GPR141: variants seen among roughly 807,000 people sequenced by gnomAD.
The protein encoded by GPR141 is G protein-coupled receptor 141.
A neutral mutation model predicts 6.8 loss-of-function variants in GPR141; 6 were observed. The ratio of observed to expected loss-of-function variants is 0.88; its 90% CI spans 0.48 to 1.74. GPR141 has a LOEUF of 1.74. Ranked by LOEUF, GPR141 falls within the 40% of genes most tolerant of loss-of-function variation. GPR141 has a pLI of 0.01. For missense variants in GPR141, 372 were observed against 372.9 expected (o/e 1.00, Z 0.02); for synonymous variants, 140 against 142.3 (o/e 0.98, Z 0.11).
rs190677168 is a variant in GPR141 at position 37,741,195 on chromosome 7, A to G, written c.802A>G (p.Ile268Val). 8 of 1,613,838 alleles carry G rather than the reference A, an allele frequency of 5.0e-6. No homozygotes were observed. In the East Asian group the frequency reaches 1.3e-4, roughly 27 times the overall value. The change falls in exon 3 of 3, where the codon ATC becomes GTC. Residue 268 changes from isoleucine (I) to valine (V), a missense_variant. Physicochemically the swap from Ile to Val is conservative, Grantham distance 29. Coordinates refer to ENST00000334425, the MANE Select transcript of GPR141 (RefSeq NM_001381946.1). ...CNSKVAFYNE[I>V]FLSVTAISCY... ...CAGCAAGGTTGCATTTTATAACGAAATCTTCTTGAGTGTAACAGCAATTAG... is the reference window on the plus strand; with the variant it reads ...CAGCAAGGTTGCATTTTATAACGAAGTCTTCTTGAGTGTAACAGCAATTAG...
chr7:37,725,106 C>T (rs1353148944), intron 2 of GPR141, among the ~76,000 whole-genome samples: 1 of 152,100 alleles, frequency 6.6e-6, no homozygotes, highest in Non-Finnish European at 1.5e-5. Flanking sequence ...GATTCCTGGT[C>T]CAAGGGTTCC....
At position 37,740,839 on chromosome 7, in the gene GPR141, C is replaced by T. The variant is rs1407002835; in HGVS notation, c.446C>T (p.Pro149Leu). 1.2e-6 allele frequency: 2 copies of T among 1,613,968 alleles called. No individual in the cohort carries two copies. The highest frequency in any genetic ancestry group is 1.3e-5 in the African/African-American group (1 of 74,912). The change falls in exon 3 of 3, where the codon CCC (proline) becomes CTC (leucine). Residue 149 changes from proline (P) to leucine (L), a missense_variant. Physicochemically the swap from Pro to Leu is moderately conservative, Grantham distance 98 (BLOSUM62 -3). Transcript: ENST00000334425. ...MWTLVIVIVV[P>L]LVVSRYGIHE... is the part of the protein sequence containing the mutation. ...ACGCTGGTGATTGTCATTGTGGTAC[C>T]CCTGGTTGTCTCCCGGTATGGAATC...
intron 2 of GPR141, among the ~76,000 whole-genome samples, chr7:37,713,885 G>C (rs886572868): frequency 6.6e-6 from 1 of 152,170 alleles, no homozygotes; most frequent in African/African-American, 2.4e-5. Context: ...CAATACTGCA[G>C]TATTGATTGA....
At chr7:37,712,547 C>T (rs1810852917) in intron 2 of GPR141, among the ~76,000 whole-genome samples, 2 of 152,120 alleles carry the variant, frequency 1.3e-5, no homozygotes, top group Non-Finnish European at 2.9e-5. Context: ...CCAGGTAATA[C>T]CTCAGGTCAA....
intron 2 of GPR141, chr7:37,729,905 C>G (rs1358701596): frequency 6.6e-6 from 1 of 152,202 alleles, no homozygotes; most frequent in Non-Finnish European, 1.5e-5. Context: ...CTCTCTCTTA[C>G]CTTCTTTCAG....
At chr7:37,722,942 CCTTCCTTCCT>C (rs1811415135) in intron 2 of GPR141, among the ~76,000 whole-genome samples, 7 of 139,788 alleles carry the variant, frequency 5.0e-5, no homozygotes, top group Admixed American at 4.4e-4. Context: ...TTCCTTCCTT[CCTTCCTTCCT>C]TCCTTCCTTC....
intron 2 of GPR141, among the ~76,000 whole-genome samples, chr7:37,697,911 C>T (rs918485621): frequency 1.3e-5 from 2 of 152,118 alleles, no homozygotes; most frequent in African/African-American, 4.8e-5. Context: ...AAGGACATAA[C>T]TAACAGCCGA....
intron 2 of GPR141, among the ~76,000 whole-genome samples, chr7:37,713,191 T>C (rs1810889920): frequency 6.6e-6 from 1 of 152,242 alleles, no homozygotes; most frequent in Non-Finnish European, 1.5e-5. Context: ...AATGTTCATA[T>C]AGGCAGTGCA....
chr7:37,741,965 C>A lies in GPR141; in HGVS notation c.*654C>A, dbSNP rs1812586389. On this transcript the variant is annotated 3_prime_UTR_variant, in exon 3 of 3. Transcript: ENST00000334425. ...AAAGGTCGTTTAAGGACTTGGGGAT[C>A]AACTTCCTCAATTATCACCAATTGC... is the stretch of plus-strand genomic sequence containing the variant. Among the ~76,000 whole-genome samples the A allele has an allele frequency of 6.6e-6, 1 of 152,160 alleles. No individual in the cohort carries two copies. The highest frequency in any genetic ancestry group is 2.4e-5 in the African/African-American group (1 of 41,442).
At position 37,728,204 on chromosome 7, in the gene GPR141, G is replaced by A. The variant is rs115519462; in HGVS notation, c.-14-12176G>A. On this transcript the variant is annotated intron_variant, in intron 2 of 2. Transcript: ENST00000334425. ...TTACTGCTCTTTCTGAATTCTTGCA[G>A]CATTTTTCACGTACCCATAGGTGTT... 7.5e-3 allele frequency among the ~76,000 whole-genome samples: 1,136 copies of A among 152,276 alleles called. 14 individuals carry two copies. Among genetic ancestry groups the A allele is most frequent in the African/African-American group, 0.025 (1,033 of 41,542 alleles).
chr7:37,725,023 GTTAA>G (rs1483961931), intron 2 of GPR141, among the ~76,000 whole-genome samples: 2 of 150,758 alleles, frequency 1.3e-5, no homozygotes, highest in Non-Finnish European at 3.0e-5. Context: ...GTCTTCCTTA[GTTAA>G]ATGGGTGCAC....
chr7:37,736,283 A>G (rs1006512403), intron 2 of GPR141, among the ~76,000 whole-genome samples: 2 of 152,092 alleles, frequency 1.3e-5, no homozygotes, highest in Non-Finnish European at 2.9e-5. Flanking sequence ...GGAAAAAGGG[A>G]AGAAGAGATG....
intron 2 of GPR141, among the ~76,000 whole-genome samples, chr7:37,694,728 A>G (rs1809938129): frequency 6.6e-6 from 1 of 152,188 alleles, no homozygotes; most frequent in Admixed American, 6.5e-5. Flanking sequence ...TCTCAGGGAA[A>G]TTCTCACAGG....
At chr7:37,732,758 C>T (rs1227763342) in intron 2 of GPR141, among the ~76,000 whole-genome samples, 1 of 152,148 alleles carries the variant, frequency 6.6e-6, no homozygotes, top group Non-Finnish European at 1.5e-5. Flanking sequence ...AGGAGCAGAG[C>T]AGGACTCTTT....
At position 37,740,694 on chromosome 7, in the gene GPR141, C is replaced by G; in HGVS notation, c.301C>G (p.Leu101Val). ...VSAMLHIHMY[L>V]TFLFYVVILV... ...TGCCATGCTGCACATCCACATGTACCTCACGTTCCTATTCTATGTGGTGAT... is the reference window on the plus strand; with the variant it reads ...TGCCATGCTGCACATCCACATGTACGTCACGTTCCTATTCTATGTGGTGAT... Residue 101 changes from leucine to valine, a missense_variant, in exon 3 of 3, where the codon CTC becomes GTC. Coordinates refer to ENST00000334425, the MANE Select transcript of GPR141 (RefSeq NM_001381946.1). The G allele has an allele frequency of 6.2e-7, 1 of 1,614,104 alleles. No individual in the cohort carries two copies. The highest frequency in any genetic ancestry group is 8.5e-7 in the Non-Finnish European group (1 of 1,179,992).
intron 2 of GPR141, among the ~76,000 whole-genome samples, chr7:37,705,071 T>C (rs4723702): frequency 7.9e-5 from 12 of 152,214 alleles, no homozygotes; most frequent in Admixed American, 7.9e-4. Flanking sequence ...ATATGTATAG[T>C]TGAATGTAAC....
At chr7:37,707,332 A>G (rs576856448) in intron 2 of GPR141, among the ~76,000 whole-genome samples, 22 of 152,258 alleles carry the variant, frequency 1.4e-4, no homozygotes, top group African/African-American at 4.8e-4. Flanking sequence ...AACTTGCTCA[A>G]TTTCAGATAG....
chr7:37,732,144 CT>C (rs1176520782), intron 2 of GPR141, among the ~76,000 whole-genome samples: 2,031 of 127,562 alleles, frequency 0.016, 88 homozygotes, highest in Admixed American at 0.099. Context: ...TTCTCTCTCT[CT>C]TTTTTTTTTT....
Position 37,740,707 on chromosome 7 carries a change from T to C in GPR141, c.314T>C (p.Phe105Ser). Residue 105 changes from phenylalanine to serine, a missense_variant, in exon 3 of 3, where the codon TTC (phenylalanine) becomes TCC (serine). Transcript: ENST00000334425. ...LHIHMYLTFL[F>S]YVVILVTRYL... ...ATCCACATGTACCTCACGTTCCTAT[T>C]CTATGTGGTGATCCTGGTCACCAGA... 2 of 1,614,112 alleles carry C rather than the reference T, an allele frequency of 1.2e-6. No homozygotes were observed. Among genetic ancestry groups the C allele is most frequent in the Non-Finnish European group, 1.7e-6 (2 of 1,179,986 alleles).
Sources: allele counts gnomAD v4.1 joint callset (sites outside exome capture counted in the v4.1 genomes callset), GRCh38; gene constraint gnomAD v4.1.1; transcripts MANE v1.5; gene names NCBI Gene and HGNC (gene_info 2026-07-23, HGNC 2026-07-21).